The following CDH13 variants were observed in gnomAD, a reference collection of about 807,000 sequenced individuals.
CDH13 encodes cadherin-13.
In CDH13, 24 loss-of-function variants were observed where a neutral mutation model predicts 63.8. The observed-to-expected ratio is 0.38, with a 90% CI of 0.27 to 0.53. CDH13 has a LOEUF of 0.53. CDH13 is among the 20% of genes least tolerant of loss of function. The pLI, the probability that CDH13 is intolerant of heterozygous loss-of-function variation, is 0.85. For missense variants in CDH13, 1,049 were observed against 903.1 expected, an observed-to-expected ratio of 1.16 and a Z score of -2.07; for synonymous variants, 503 against 355.3, an observed-to-expected ratio of 1.42 and a Z score of -4.67.
intron 8 of CDH13, among the ~76,000 whole-genome samples, chr16:83,618,157 G>C (rs372421565): frequency 9.4e-5 from 14 of 149,540 alleles, no homozygotes; most frequent in African/African-American, 3.6e-4. Context: ...AGGCATGGTG[G>C]CTCATGCCTG....
intron 5 of CDH13, among the ~76,000 whole-genome samples, chr16:83,275,355 C>G (rs1380405768): frequency 6.6e-6 from 1 of 152,138 alleles, no homozygotes; most frequent in Non-Finnish European, 1.5e-5. Flanking sequence ...TGGGTCATGT[C>G]CACCTAATAG....
chr16:83,484,301 G>C (rs2073838284), intron 6 of CDH13, among the ~76,000 whole-genome samples: 1 of 152,174 alleles, frequency 6.6e-6, no homozygotes, highest in South Asian at 2.1e-4. Context: ...TGTTTTCTTT[G>C]TATGACTATT....
chr16:83,306,245 G>C (rs1241313807), intron 5 of CDH13, among the ~76,000 whole-genome samples: 1 of 152,216 alleles, frequency 6.6e-6, no homozygotes, highest in Non-Finnish European at 1.5e-5. Flanking sequence ...CTGTGCTATG[G>C]TTTGGAGGTG....
At chr16:83,219,785 GGGA>G (rs2039642567) in intron 5 of CDH13, among the ~76,000 whole-genome samples, 2 of 152,198 alleles carry the variant, frequency 1.3e-5, no homozygotes, top group South Asian at 4.1e-4. Context: ...TATAGGGTAA[GGGA>G]CACGCTTCAA....
At chr16:83,337,937 A>G (rs1167210722) in intron 5 of CDH13, among the ~76,000 whole-genome samples, 1 of 152,124 alleles carries the variant, frequency 6.6e-6, no homozygotes, top group Non-Finnish European at 1.5e-5. Flanking sequence ...TGAAACAAAA[A>G]AAATGTAAGG....
chr16:82,848,523 C>T (rs758944600), intron 1 of CDH13, among the ~76,000 whole-genome samples: 1 of 149,436 alleles, frequency 6.7e-6, no homozygotes, highest in African/African-American at 2.5e-5. Flanking sequence ...ATTACTTTGT[C>T]TATTTTGGTG....
intron 11 of CDH13, among the ~76,000 whole-genome samples, chr16:83,761,419 T>C (rs1314006827): frequency 6.6e-6 from 1 of 152,136 alleles, no homozygotes; most frequent in Non-Finnish European, 1.5e-5. Context: ...AAAGAACAAT[T>C]GGTGAATTGG....
chr16:82,792,314 C>T (rs540005858), intron 1 of CDH13, among the ~76,000 whole-genome samples: 71 of 152,268 alleles, frequency 4.7e-4, no homozygotes, highest in African/African-American at 1.5e-3. Context: ...TTCTCGCTTG[C>T]TTGGAAAATA....
chr16:82,860,469 C>G (rs563080440), intron 2 of CDH13, among the ~76,000 whole-genome samples: 4 of 149,856 alleles, frequency 2.7e-5, no homozygotes, highest in Admixed American at 6.7e-5. Flanking sequence ...TCTGGGTAAG[C>G]TAGTAAATGC....
intron 1 of CDH13, among the ~76,000 whole-genome samples, chr16:82,844,091 C>G (rs28435993): frequency 0.25 from 38,150 of 152,100 alleles, 5,742 homozygotes; most frequent in Non-Finnish European, 0.35. Flanking sequence ...CAGAATGTGT[C>G]AAGGTTACCT....
intron 1 of CDH13, among the ~76,000 whole-genome samples, chr16:82,843,581 A>T (rs1166871934): frequency 2.0e-5 from 3 of 152,226 alleles, no homozygotes; most frequent in Non-Finnish European, 2.9e-5. Context: ...CAGAAAAAAA[A>T]AGCTTAACAA....
chr16:83,385,895 C>T (rs2091663906), intron 6 of CDH13, among the ~76,000 whole-genome samples: 2 of 152,184 alleles, frequency 1.3e-5, no homozygotes, highest in Non-Finnish European at 2.9e-5. Flanking sequence ...TGGGTCTGAT[C>T]CCATCTGAAG....
chr16:82,672,262 T>A (rs574828540), intron 1 of CDH13, among the ~76,000 whole-genome samples: 18 of 152,352 alleles, frequency 1.2e-4, no homozygotes, highest in East Asian at 3.9e-4. Context: ...TCAACTGATA[T>A]AATGTATGCA....
intron 2 of CDH13, among the ~76,000 whole-genome samples, chr16:83,021,555 T>G (rs1211208447): frequency 6.6e-6 from 1 of 152,204 alleles, no homozygotes; most frequent in Non-Finnish European, 1.5e-5. Flanking sequence ...AGGAAGCCCT[T>G]AAGGGTTACA....
chr16:82,645,986 T>C (rs1284082933), intron 1 of CDH13, among the ~76,000 whole-genome samples: 1 of 152,224 alleles, frequency 6.6e-6, no homozygotes, highest in African/African-American at 2.4e-5. Flanking sequence ...AGATAAAAAG[T>C]ATTTGCATCT....
intron 1 of CDH13, chr16:82,719,232 G>A (rs2032599208): frequency 9.0e-6 from 3 of 333,250 alleles, no homozygotes; most frequent in South Asian, 4.9e-5. Context: ...CCACGAGCAG[G>A]AACCTCACAT....
chr16:83,251,025 C>G (rs1377662890), intron 5 of CDH13, among the ~76,000 whole-genome samples: 1 of 151,812 alleles, frequency 6.6e-6, no homozygotes, highest in Non-Finnish European at 1.5e-5. Flanking sequence ...TCCTCATCCC[C>G]CAGCCAACCT....
intron 1 of CDH13, among the ~76,000 whole-genome samples, chr16:82,851,973 AAC>A (rs2039509069): frequency 6.6e-6 from 1 of 152,186 alleles, no homozygotes; most frequent in African/African-American, 2.4e-5. Context: ...ACTATCAACC[AAC>A]ACTAATGACA....
At chr16:82,842,137 TACAC>T (rs1204067008) in intron 1 of CDH13, among the ~76,000 whole-genome samples, 3,722 of 54,056 alleles carry the variant, frequency 0.069, 292 homozygotes, top group Non-Finnish European at 0.087. Context: ...TATATATATA[TACAC>T]ATATATATAT....
Sources: allele counts gnomAD v4.1 joint callset (sites outside exome capture counted in the v4.1 genomes callset), GRCh38; gene constraint gnomAD v4.1.1; transcripts MANE v1.5; gene names NCBI Gene and HGNC (gene_info 2026-07-23, HGNC 2026-07-21).